SPOCK1: variants seen among roughly 807,000 people sequenced by gnomAD.
SPOCK1 encodes the protein testican-1.
A neutral mutation model predicts 55.3 loss-of-function variants in SPOCK1; 23 were observed. That is an observed-to-expected ratio of 0.42 (90% CI 0.30 to 0.59). The LOEUF (loss-of-function observed/expected upper bound fraction) is 0.59. Ranked by LOEUF, SPOCK1 falls within the 20% of genes least tolerant of loss-of-function variation. The pLI is 0.22. For missense variants in SPOCK1, 499 were observed against 552.5 expected (o/e 0.90, Z 0.97); for synonymous variants, 226 against 221.0 (o/e 1.02, Z -0.20).
At chr5:137,077,261 T>C (rs1752787905) in intron 5 of SPOCK1, among the ~76,000 whole-genome samples, 1 of 152,186 alleles carries the variant, frequency 6.6e-6, no homozygotes, top group Non-Finnish European at 1.5e-5. Flanking sequence ...CCTTCACTTC[T>C]CCCTAGTCCA....
intron 3 of SPOCK1, among the ~76,000 whole-genome samples, chr5:137,164,115 C>G (rs562026488): frequency 7.3e-4 from 111 of 152,278 alleles, no homozygotes; most frequent in African/African-American, 2.6e-3. Flanking sequence ...CCCATAAATT[C>G]TCTCCACTAG....
chr5:137,427,942 C>T (rs1182403045), intron 2 of SPOCK1, among the ~76,000 whole-genome samples: 1 of 150,028 alleles, frequency 6.7e-6, no homozygotes. Flanking sequence ...GAAACTTTGG[C>T]TACTCAGCAA....
intron 4 of SPOCK1, among the ~76,000 whole-genome samples, chr5:137,138,517 A>ACACACACACACACACAC (rs1754032406): frequency 6.7e-6 from 1 of 149,022 alleles, no homozygotes; most frequent in Admixed American, 6.6e-5. Context: ...ACACACACAC[A>ACACACACACACACACAC]CACACACACA....
chr5:136,979,580 T>C, intron 9 of SPOCK1, 111 bp from the exon 10 acceptor site: 3 of 1,374,590 alleles, frequency 2.2e-6, no homozygotes, highest in Non-Finnish European at 2.0e-6. Context: ...TGCTGCAGGG[T>C]CAGCAGCAGA....
At chr5:137,333,005 A>G (rs10479152) in intron 2 of SPOCK1, among the ~76,000 whole-genome samples, 3,855 of 152,276 alleles carry the variant, frequency 0.025, 140 homozygotes, top group African/African-American at 0.087. Context: ...CCAGAGCAGC[A>G]TAAGTGTGGC....
At chr5:137,245,003 G>T (rs972881988) in intron 3 of SPOCK1, among the ~76,000 whole-genome samples, 3 of 152,304 alleles carry the variant, frequency 2.0e-5, no homozygotes, top group African/African-American at 7.2e-5. Context: ...CATAGAAATG[G>T]TTGAAAATTT....
At chr5:137,226,249 G>A (rs1755945502) in intron 3 of SPOCK1, among the ~76,000 whole-genome samples, 1 of 152,212 alleles carries the variant, frequency 6.6e-6, no homozygotes, top group Non-Finnish European at 1.5e-5. Context: ...CTCATGACAT[G>A]AAGAAAACGA....
intron 2 of SPOCK1, among the ~76,000 whole-genome samples, chr5:137,444,129 C>G (rs1421299371): frequency 6.6e-6 from 1 of 152,090 alleles, no homozygotes; most frequent in African/African-American, 2.4e-5. Flanking sequence ...GCAACCACAC[C>G]TCCCTTTCTC....
chr5:137,167,813 G>C (rs749887777), intron 3 of SPOCK1, among the ~76,000 whole-genome samples: 7 of 151,840 alleles, frequency 4.6e-5, no homozygotes, highest in Non-Finnish European at 1.0e-4. Context: ...ATAGCCATGG[G>C]ATACAGCAAA....
chr5:137,450,282 A>G (rs1753227951), intron 2 of SPOCK1, among the ~76,000 whole-genome samples: 1 of 152,198 alleles, frequency 6.6e-6, no homozygotes, highest in African/African-American at 2.4e-5. Flanking sequence ...TGGTAATGAT[A>G]GGTGTTAACC....
At chr5:137,310,992 G>C (rs777381754) in intron 2 of SPOCK1, among the ~76,000 whole-genome samples, 3 of 152,142 alleles carry the variant, frequency 2.0e-5, no homozygotes, top group East Asian at 1.9e-4. Flanking sequence ...GAGGGAACAG[G>C]CCTTGGGGAA....
At chr5:137,344,960 A>C (rs17171365) in intron 2 of SPOCK1, among the ~76,000 whole-genome samples, 4,297 of 152,332 alleles carry the variant, frequency 0.028, 184 homozygotes, top group African/African-American at 0.097. Flanking sequence ...CAAAAGCTTT[A>C]TAGAAGGTTC....
At chr5:137,488,611 C>T (rs560979657) in intron 2 of SPOCK1, among the ~76,000 whole-genome samples, 15 of 152,216 alleles carry the variant, frequency 9.9e-5, no homozygotes, top group African/African-American at 3.1e-4. Context: ...TGAGTTAGAG[C>T]GTGACTCCAT....
chr5:137,124,515 C>T (rs1306216957), intron 4 of SPOCK1, among the ~76,000 whole-genome samples: 1 of 152,186 alleles, frequency 6.6e-6, no homozygotes, highest in Non-Finnish European at 1.5e-5. Context: ...CTGGAGCCTA[C>T]AAGCCTCATG....
rs550276618 is a variant in SPOCK1, at chr5:137,220,489, T to G, written c.232+46521A>C. On this transcript the variant is annotated intron_variant, in intron 3 of 10. Transcript: ENST00000394945. Reference sequence around the variant, plus strand: ...AGATTACTTAATCCTCAAAGAGCCCTGTGAGGTTGTTTGTATTTTACCCCA... The same window carrying G: ...AGATTACTTAATCCTCAAAGAGCCCGGTGAGGTTGTTTGTATTTTACCCCA... Among the ~76,000 whole-genome samples, 304 of 152,316 alleles carry G rather than the reference T, an allele frequency of 2.0e-3. 2 individuals carry two copies. The highest frequency in any genetic ancestry group is 3.2e-3 in the Non-Finnish European group (215 of 68,026).
In SPOCK1 at chr5:137,498,441, C is replaced by A. The variant is rs1384835974; in HGVS notation, c.118G>T (p.Asp40Tyr). ...GAGPNHGNFL[D>Y]NDQWLSTVSQ... ...ACGGTGCTCAGCCACTGGTCATTGT[C>A]TAGGAAATTGCCGTGGTTGGGGCCC... Residue 40 changes from aspartate (D) to tyrosine (Y), a missense_variant, in exon 2 of 11, where the codon GAC becomes TAC. Around this residue, in one of 3 missense-constraint regions of SPOCK1, gnomAD observed 386 missense variants for 400.6 expected, o/e 0.96. Transcript: ENST00000394945. 1 of 1,611,342 alleles carries A rather than the reference C, an allele frequency of 6.2e-7. No homozygotes were observed. The highest frequency in any genetic ancestry group is 8.5e-7 in the Non-Finnish European group (1 of 1,179,088).
intron 6 of SPOCK1, among the ~76,000 whole-genome samples, chr5:136,994,824 G>A (rs960283777): frequency 4.6e-5 from 7 of 151,982 alleles, no homozygotes; most frequent in South Asian, 2.1e-4. Flanking sequence ...TGGCCAACAT[G>A]GTGAAAACTT....
chr5:136,994,898 G>A (rs1235591760), intron 6 of SPOCK1, among the ~76,000 whole-genome samples: 1 of 151,944 alleles, frequency 6.6e-6, no homozygotes, highest in Non-Finnish European at 1.5e-5. Context: ...CCAACTACTT[G>A]GAAGGCTGAC....
intron 2 of SPOCK1, among the ~76,000 whole-genome samples, chr5:137,387,645 C>A (rs1443828428): frequency 6.6e-6 from 1 of 152,116 alleles, no homozygotes; most frequent in Non-Finnish European, 1.5e-5. Flanking sequence ...ATGCACATGT[C>A]CAAACCCATA....
Sources: gnomAD v4.1 joint callset for allele counts (sites outside exome capture counted in the v4.1 genomes callset) on GRCh38, gnomAD v4.1.1 for gene constraint, gnomAD v4.1.1 regional missense constraint, MANE v1.5 for transcripts, NCBI Gene and HGNC (gene_info 2026-07-23, HGNC 2026-07-21) for gene names.